UGT3A2: variants seen among roughly 807,000 people sequenced by gnomAD.
The protein encoded by UGT3A2 is UDP glycosyltransferase family 3 member A2.
Under a neutral mutation model 39.8 loss-of-function variants are expected in UGT3A2, and 32 were observed. That is an observed-to-expected ratio of 0.80 (90% confidence interval 0.61 to 1.08). UGT3A2 has a LOEUF of 1.08. Ranked by LOEUF, UGT3A2 falls within the 50% of genes least tolerant of loss-of-function variation. UGT3A2 has a pLI of 0.00. For synonymous variants in UGT3A2, 241 were observed against 230.7 expected, an observed-to-expected ratio of 1.04 and a Z score of -0.40; for missense variants, 611 against 637.1, an observed-to-expected ratio of 0.96 and a Z score of 0.44.
At chr5:36,054,072 T>C (rs1454169981) in intron 2 of UGT3A2, among the ~76,000 whole-genome samples, 1 of 152,204 alleles carries the variant, frequency 6.6e-6, no homozygotes, top group African/African-American at 2.4e-5. Context: ...CATAATGTTT[T>C]AAGAAAGTTT....
At chr5:36,066,128 C>G (rs267772) in intron 1 of UGT3A2, among the ~76,000 whole-genome samples, 122,711 of 152,194 alleles carry the variant, frequency 0.81, 50,146 homozygotes, top group Non-Finnish European at 0.85. Flanking sequence ...CCTCAGCCCT[C>G]GGCAGTTCTC....
intron 2 of UGT3A2, among the ~76,000 whole-genome samples, chr5:36,060,779 C>A (rs1291367824): frequency 6.6e-6 from 1 of 152,136 alleles, no homozygotes; most frequent in African/African-American, 2.4e-5. Context: ...AGTAGAGTTC[C>A]ACTTCACGAT....
At chr5:36,064,450 G>T in intron 1 of UGT3A2, 100 bp from the exon 2 acceptor site, 1 of 1,017,086 alleles carries the variant, frequency 9.8e-7, no homozygotes, top group Non-Finnish European at 1.5e-6. Flanking sequence ...AAACAGAAGT[G>T]GATAGTGATT....
chr5:36,053,085 C>T (rs1742400553), intron 2 of UGT3A2, among the ~76,000 whole-genome samples: 1 of 152,180 alleles, frequency 6.6e-6, no homozygotes, highest in African/African-American at 2.4e-5. Flanking sequence ...CAATCTTTGC[C>T]AGCAAGAGCC....
intron 2 of UGT3A2, among the ~76,000 whole-genome samples, chr5:36,057,419 T>C (rs1479796940): frequency 6.6e-6 from 1 of 152,074 alleles, no homozygotes; most frequent in African/African-American, 2.4e-5. Context: ...CCTAATCCTA[T>C]GAAAAAACAG....
At position 36,035,788 on chromosome 5, in the gene UGT3A2, C is replaced by T. The variant is rs1199654547; in HGVS notation, c.1482G>A (p.Gly494=). The T allele has an allele frequency of 1.9e-6, 3 of 1,613,994 alleles. No homozygotes were observed. Among genetic ancestry groups the T allele is most frequent in the Middle Eastern group, 1.6e-4 (1 of 6,084 alleles). The change falls in exon 7 of 7, where the codon GGG becomes GGA. Residue 494 remains glycine (G), a synonymous_variant. Coordinates refer to ENST00000282507, the MANE Select transcript of UGT3A2 (RefSeq NM_174914.4). ...AAAGCCATAGAGTCCCCAGAGTGAG[C>T]CCCAGCAGAAACACAAAAACGTCGA... ...YLLDVFVFLL[G]LTLGTLWLCG...
chr5:36,052,607 A>C (rs1561494604), intron 2 of UGT3A2, among the ~76,000 whole-genome samples: 1 of 152,090 alleles, frequency 6.6e-6, no homozygotes, highest in Non-Finnish European at 1.5e-5. Context: ...CAATCCATGC[A>C]AGTCAGGACA....
chr5:36,062,260 G>A (rs1742730307), intron 2 of UGT3A2, among the ~76,000 whole-genome samples: 1 of 148,704 alleles, frequency 6.7e-6, no homozygotes, highest in African/African-American at 2.5e-5. Context: ...GATCCCATTT[G>A]TCAATTTTGG....
Position 36,051,949 on chromosome 5 carries a change from T to A in UGT3A2, c.232A>T (p.Ser78Cys), listed in dbSNP as rs1277659685. 2.5e-6 allele frequency: 4 copies of A among 1,582,116 alleles called. No individual in the cohort carries two copies. The highest frequency in any genetic ancestry group is 3.4e-6 in the Non-Finnish European group (4 of 1,170,854). ...KKEEKSYQVI[S>C]WLAPEDHQRE... ...TGATGATCTTCAGGTGCAAGCCAAC[T>A]GATAACTTGATATGATTTTTCTTCC... Residue 78 changes from serine to cysteine, a missense_variant, in exon 3 of 7, where the codon AGT becomes TGT. By Grantham distance (112) the Ser-to-Cys change is moderately radical. Coordinates refer to ENST00000282507, the MANE Select transcript of UGT3A2 (RefSeq NM_174914.4).
chr5:36,048,202 G>A (rs1742227204), intron 4 of UGT3A2, among the ~76,000 whole-genome samples: 1 of 152,176 alleles, frequency 6.6e-6, no homozygotes, highest in African/African-American at 2.4e-5. Flanking sequence ...CTGTAAAATG[G>A]GAACCCAGTG....
At chr5:36,041,480 G>A (rs1165490206) in intron 4 of UGT3A2, among the ~76,000 whole-genome samples, 1 of 152,186 alleles carries the variant, frequency 6.6e-6, no homozygotes, top group African/African-American at 2.4e-5. Context: ...TTTCAGGGGA[G>A]GTGGTCATGA....
chr5:36,040,730 T>C (rs889157626), intron 4 of UGT3A2, among the ~76,000 whole-genome samples: 2 of 152,146 alleles, frequency 1.3e-5, no homozygotes, highest in Non-Finnish European at 2.9e-5. Context: ...GCTAAAGTGC[T>C]CTGGGGTTCA....
intron 6 of UGT3A2, 86 bp downstream of exon 6, chr5:36,037,711 A>C (rs2111687223): frequency 5.4e-6 from 8 of 1,474,672 alleles, no homozygotes; most frequent in East Asian, 2.3e-5. Flanking sequence ...AAAACAAAAC[A>C]AAACCAAAAA....
chr5:36,064,187 T>C, intron 2 of UGT3A2, 62 bp downstream of exon 2: 1 of 1,447,318 alleles, frequency 6.9e-7, no homozygotes, highest in Non-Finnish European at 9.6e-7. Context: ...AGCCTTTCTA[T>C]GCAAACAGCA....
Position 36,052,671 on chromosome 5 carries a change from C to T in UGT3A2, c.197-687G>A, listed in dbSNP as rs376934634. On this transcript the variant is annotated intron_variant, in intron 2 of 6. Coordinates refer to ENST00000282507, the MANE Select transcript of UGT3A2 (RefSeq NM_174914.4). ...CCCTCCTCACAGTAAAAACTCAAGC[C>T]AGTCATCCCTCCCTGCTCTCTAAAG... Among the ~76,000 whole-genome samples the T allele has an allele frequency of 5.1e-4, 77 of 152,168 alleles. No homozygotes were observed. In the East Asian group the frequency reaches 0.011, roughly 21 times the overall value.
Position 36,052,333 on chromosome 5 carries a change from T to C in UGT3A2, c.197-349A>G, listed in dbSNP as rs1026362635. On this transcript the variant is annotated intron_variant, in intron 2 of 6. Coordinates refer to ENST00000282507, the MANE Select transcript of UGT3A2 (RefSeq NM_174914.4). ...TTTACAAAAACAATCATTTTTATTATTTAAAGTGATACATGCAAATAATTT... is the reference window on the plus strand; with the variant it reads ...TTTACAAAAACAATCATTTTTATTACTTAAAGTGATACATGCAAATAATTT... Among the ~76,000 whole-genome samples, 16 of 152,230 alleles carry C rather than the reference T, an allele frequency of 1.1e-4. 1 individual carries two copies. The highest frequency in any genetic ancestry group is 2.9e-5 in the Non-Finnish European group (2 of 68,048).
Position 36,038,017 on chromosome 5 carries a change from C to T in UGT3A2, c.1076-1G>A. 6.3e-7 allele frequency: 1 copy of T among 1,587,072 alleles called. No homozygotes were observed. The highest frequency in any genetic ancestry group is 1.4e-5 in the African/African-American group (1 of 73,780). The stretch of plus-strand genomic sequence containing the variant: ...ACAAACAGACGGATGCTTGGGTGAG[C>T]TGTTGTAAATAAGAAAGAGGGTGGG... On this transcript the variant is annotated splice_acceptor_variant, in intron 5 of 6. Coordinates refer to ENST00000282507, the MANE Select transcript of UGT3A2 (RefSeq NM_174914.4). LOFTEE classifies it high-confidence loss of function.
At chr5:36,044,455 A>G in intron 4 of UGT3A2, among the ~76,000 whole-genome samples, 1 of 152,164 alleles carries the variant, frequency 6.6e-6, no homozygotes, top group East Asian at 1.9e-4. Flanking sequence ...CAGTTATTCA[A>G]CATAGTACTG....
chr5:36,060,423 G>C (rs112868709), intron 2 of UGT3A2, among the ~76,000 whole-genome samples: 8,584 of 152,126 alleles, frequency 0.056, 798 homozygotes, highest in African/African-American at 0.2. Context: ...CACGCCCCAA[G>C]TGCAATATTT....
Sources: allele counts gnomAD v4.1 joint callset (sites outside exome capture counted in the v4.1 genomes callset), GRCh38; gene constraint gnomAD v4.1.1; transcripts MANE v1.5; gene names NCBI Gene and HGNC (gene_info 2026-07-23, HGNC 2026-07-21).